AMPH: variants seen among roughly 807,000 people sequenced by gnomAD.
The protein encoded by AMPH is amphiphysin (Stiff-Mann syndrome with breast cancer 128kD autoantigen).
AMPH carries 49 observed loss-of-function variants against 99.1 expected under a neutral mutation model. The observed-to-expected ratio is 0.49, with a 90% CI of 0.39 to 0.63. The LOEUF is 0.63. Ranked by LOEUF, AMPH falls within the 20% of genes least tolerant of loss-of-function variation. The pLI is 0.00. For missense variants in AMPH, 759 were observed against 863.4 expected, an observed-to-expected ratio of 0.88 and a Z score of 1.52; for synonymous variants, 314 against 317.3, an observed-to-expected ratio of 0.99 and a Z score of 0.11.
intron 17 of AMPH, among the ~76,000 whole-genome samples, chr7:38,410,532 CAG>C (rs1562735382): frequency 6.6e-6 from 1 of 152,166 alleles, no homozygotes; most frequent in African/African-American, 2.4e-5. Flanking sequence ...GCCTAGCAAA[CAG>C]AGGCTGGAAA....
intron 5 of AMPH, among the ~76,000 whole-genome samples, chr7:38,490,118 G>A (rs1233655302): frequency 6.6e-6 from 1 of 152,054 alleles, no homozygotes; most frequent in African/African-American, 2.4e-5. Flanking sequence ...ATCTGAAGAT[G>A]TCTCAAAACA....
chr7:38,477,796 C>T (rs954453435), intron 5 of AMPH, among the ~76,000 whole-genome samples: 10 of 151,990 alleles, frequency 6.6e-5, no homozygotes, highest in African/African-American at 1.7e-4. Context: ...TACTGCTTCT[C>T]GGGGAGCAAT....
chr7:38,387,844 C>A (rs1256918073), intron 20 of AMPH, among the ~76,000 whole-genome samples: 1 of 149,188 alleles, frequency 6.7e-6, no homozygotes. Context: ...AAAGATACAG[C>A]GAAATTTATT....
At chr7:38,561,336 G>T (rs1365109706) in intron 1 of AMPH, among the ~76,000 whole-genome samples, 1 of 152,194 alleles carries the variant, frequency 6.6e-6, no homozygotes, top group Non-Finnish European at 1.5e-5. Flanking sequence ...CATGAGGTTA[G>T]ACTGCTAGCC....
intron 11 of AMPH, among the ~76,000 whole-genome samples, chr7:38,457,344 T>C (rs1472930749): frequency 6.6e-6 from 1 of 151,900 alleles, no homozygotes; most frequent in East Asian, 1.9e-4. Flanking sequence ...GAATGAAAAA[T>C]TTACCAAAGA....
chr7:38,525,132 G>A (rs1033929513), intron 2 of AMPH, among the ~76,000 whole-genome samples: 16 of 150,726 alleles, frequency 1.1e-4, no homozygotes, highest in Non-Finnish European at 1.9e-4. Flanking sequence ...GTGTGTGTGT[G>A]TATATATATA....
At chr7:38,619,243 T>C (rs934232892) in intron 1 of AMPH, among the ~76,000 whole-genome samples, 2 of 152,022 alleles carry the variant, frequency 1.3e-5, no homozygotes, top group South Asian at 2.1e-4. Flanking sequence ...AAAAGAAAAC[T>C]GGAATGGCTA....
intron 1 of AMPH, among the ~76,000 whole-genome samples, chr7:38,576,029 G>A (rs1168848486): frequency 6.6e-6 from 1 of 152,096 alleles, no homozygotes; most frequent in African/African-American, 2.4e-5. Context: ...TTCTAAGTTG[G>A]CAAACATTTT....
intron 15 of AMPH, 69 bp downstream of exon 15, chr7:38,426,884 AC>A: frequency 6.8e-7 from 1 of 1,476,010 alleles, no homozygotes; most frequent in Non-Finnish European, 9.5e-7. Context: ...GGCACAGAGA[AC>A]CAAACCACAT....
At chr7:38,585,958 A>T (rs555770517) in intron 1 of AMPH, among the ~76,000 whole-genome samples, 2 of 152,334 alleles carry the variant, frequency 1.3e-5, no homozygotes, top group South Asian at 4.1e-4. Flanking sequence ...TCTAAGCTTC[A>T]TCTCTTTGCA....
At chr7:38,451,010 A>C (rs1345524746) in intron 11 of AMPH, among the ~76,000 whole-genome samples, 2 of 151,304 alleles carry the variant, frequency 1.3e-5, no homozygotes, top group African/African-American at 4.9e-5. Context: ...CCTGCCTCTC[A>C]GCCTTCTGAG....
intron 5 of AMPH, among the ~76,000 whole-genome samples, chr7:38,477,424 T>C (rs1788128823): frequency 6.6e-6 from 1 of 152,158 alleles, no homozygotes; most frequent in African/African-American, 2.4e-5. Flanking sequence ...CCAAGAAATC[T>C]CTTTTCCTAC....
At chr7:38,608,130 G>A (rs546635175) in intron 1 of AMPH, among the ~76,000 whole-genome samples, 2 of 152,182 alleles carry the variant, frequency 1.3e-5, no homozygotes, top group South Asian at 2.1e-4. Context: ...GAGCCACCAC[G>A]CCTGGCCCTT....
intron 20 of AMPH, among the ~76,000 whole-genome samples, chr7:38,388,353 C>G (rs1784400406): frequency 1.3e-5 from 2 of 151,946 alleles, no homozygotes; most frequent in African/African-American, 4.8e-5. Flanking sequence ...TGCTTTGTGA[C>G]TTTTCTTTCT....
chr7:38,472,156 A>G (rs1787910405), intron 7 of AMPH, among the ~76,000 whole-genome samples: 1 of 152,122 alleles, frequency 6.6e-6, no homozygotes, highest in Non-Finnish European at 1.5e-5. Context: ...AGGATTATAA[A>G]TAGTTTGATG....
intron 5 of AMPH, among the ~76,000 whole-genome samples, chr7:38,486,561 G>T (rs1047190505): frequency 1.3e-5 from 2 of 152,034 alleles, no homozygotes; most frequent in Non-Finnish European, 1.5e-5. Context: ...GATTGCAGGG[G>T]AGAGAACACT....
At chr7:38,608,733 C>T (rs1793522097) in intron 1 of AMPH, among the ~76,000 whole-genome samples, 1 of 152,224 alleles carries the variant, frequency 6.6e-6, no homozygotes, top group African/African-American at 2.4e-5. Context: ...GGCCCCCAGA[C>T]ACTGTCATCT....
chr7:38,499,080 T>C (rs1789035792), intron 3 of AMPH, among the ~76,000 whole-genome samples: 1 of 152,232 alleles, frequency 6.6e-6, no homozygotes, highest in African/African-American at 2.4e-5. Context: ...CAACCATTCC[T>C]GCCCCAGTCT....
chr7:38,609,456 T>A (rs1398748998), intron 1 of AMPH, among the ~76,000 whole-genome samples: 1 of 152,100 alleles, frequency 6.6e-6, no homozygotes, highest in Admixed American at 6.5e-5. Context: ...CTTTAGGCAT[T>A]TTGTCAGAAA....
Sources: allele counts gnomAD v4.1 joint callset (sites outside exome capture counted in the v4.1 genomes callset), GRCh38; gene constraint gnomAD v4.1.1; transcripts MANE v1.5; gene names NCBI Gene and HGNC (gene_info 2026-07-23, HGNC 2026-07-21).